MTFR1: variants seen among roughly 807,000 people sequenced by gnomAD.
The protein encoded by MTFR1 is chondrocyte protein with a poly-proline region.
Under a neutral mutation model 38.8 loss-of-function variants are expected in MTFR1, and 28 were observed. The ratio of observed to expected loss-of-function variants is 0.72; its 90% CI spans 0.53 to 0.99. MTFR1 has a LOEUF of 0.99. MTFR1 is among the 50% of genes least tolerant of loss of function. The probability of loss-of-function intolerance (pLI) is 0.00; values close to 1 mark genes in which losing one functional copy is unlikely to be tolerated. For missense variants in MTFR1, 358 were observed against 395.5 expected (o/e 0.91, Z 0.81); for synonymous variants, 145 against 137.0 (o/e 1.06, Z -0.41).
At chr8:65,691,000 G>A (rs1259163442) in intron 3 of MTFR1, among the ~76,000 whole-genome samples, 1 of 152,018 alleles carries the variant, frequency 6.6e-6, no homozygotes, top group African/African-American at 2.4e-5. Flanking sequence ...AACATTACCT[G>A]ATTTCTCAAC....
intron 3 of MTFR1, chr8:65,721,796 CA>C (rs1352687511): frequency 4.4e-4 from 65 of 146,512 alleles, no homozygotes; most frequent in African/African-American, 1.5e-3. Flanking sequence ...CTCTTTTGTC[CA>C]TTTTTTTTTT....
At position 65,708,002 on chromosome 8, in the gene MTFR1, G is replaced by A. The variant is rs150478914; in HGVS notation, c.924G>A (p.Glu308=). 1 of 1,612,052 alleles carries A rather than the reference G, an allele frequency of 6.2e-7. No homozygotes were observed. The highest frequency in any genetic ancestry group is 1.3e-5 in the African/African-American group (1 of 74,908). ...AGTCTGAATCAGAGGCCACCTCAGA[G>A]AGAGTGTTGGTGAGTTATTTGCCCA... ...IPKSESEATS[E]RVLFGPHMLK... is the part of the protein sequence containing the mutation. The change falls in exon 7 of 8, where the codon GAG becomes GAA. Residue 308 remains glutamate (E), a synonymous_variant. Transcript: ENST00000262146.
chr8:65,682,943 AG>A, intron 3 of MTFR1: 1 of 984,702 alleles, frequency 1.0e-6, no homozygotes. Context: ...CAAGACAAAA[AG>A]GTAATTGTGG....
At chr8:65,727,523 G>A in intron 3 of MTFR1, 1 of 465,174 alleles carries the variant, frequency 2.1e-6, no homozygotes, top group Non-Finnish European at 3.7e-6. Context: ...CCCTGCCCAT[G>A]TGGAGTTTAC....
At chr8:65,748,044 T>C (rs548242894) in intron 3 of MTFR1, among the ~76,000 whole-genome samples, 51 of 152,216 alleles carry the variant, frequency 3.4e-4, no homozygotes, top group African/African-American at 1.2e-3. Context: ...ATGGCCAATT[T>C]TGACAGCATT....
chr8:65,708,390 T>C (rs1402170649), intron 7 of MTFR1: 1 of 323,132 alleles, frequency 3.1e-6, no homozygotes, highest in Non-Finnish European at 5.9e-6. Flanking sequence ...ATAGTAACAA[T>C]GTATATTTTG....
At chr8:65,676,520 C>T (rs571555495) in intron 2 of MTFR1, among the ~76,000 whole-genome samples, 226 of 152,146 alleles carry the variant, frequency 1.5e-3, no homozygotes, top group African/African-American at 4.6e-3. Flanking sequence ...CCCGCCATCA[C>T]CCCTGGCTAA....
At chr8:65,655,839 C>A (rs1250274053) in intron 1 of MTFR1, among the ~76,000 whole-genome samples, 2 of 150,232 alleles carry the variant, frequency 1.3e-5, no homozygotes, top group East Asian at 1.9e-4. Flanking sequence ...ATCCTGGCTA[C>A]TTGGGAAGCT....
intron 3 of MTFR1, chr8:65,719,854 G>T: frequency 3.8e-6 from 1 of 262,946 alleles, no homozygotes; most frequent in Non-Finnish European, 7.5e-6. Context: ...CAGAGTTGCA[G>T]TGCAACAACT....
At chr8:65,743,625 G>A (rs564717986) in intron 3 of MTFR1, among the ~76,000 whole-genome samples, 2 of 152,274 alleles carry the variant, frequency 1.3e-5, no homozygotes, top group Admixed American at 1.3e-4. Flanking sequence ...ATAATGGAGT[G>A]ATACTAAAAG....
At chr8:65,680,322 C>G (rs1018587708) in intron 2 of MTFR1, among the ~76,000 whole-genome samples, 2 of 152,072 alleles carry the variant, frequency 1.3e-5, no homozygotes, top group Non-Finnish European at 2.9e-5. Context: ...ATCACCACCC[C>G]TGGCTAAGTT....
At chr8:65,743,531 T>C (rs1426951468) in intron 3 of MTFR1, among the ~76,000 whole-genome samples, 1 of 152,216 alleles carries the variant, frequency 6.6e-6, no homozygotes, top group Non-Finnish European at 1.5e-5. Flanking sequence ...TCAGTCCAGT[T>C]TATTTTCTGT....
chr8:65,673,522 T>C (rs1246177298), intron 2 of MTFR1, among the ~76,000 whole-genome samples: 1 of 151,306 alleles, frequency 6.6e-6, no homozygotes, highest in Non-Finnish European at 1.5e-5. Flanking sequence ...GGTTGATGGG[T>C]GCAGCAAACC....
At chr8:65,733,855 T>C (rs909030843) in intron 3 of MTFR1, among the ~76,000 whole-genome samples, 1 of 152,160 alleles carries the variant, frequency 6.6e-6, no homozygotes, top group Non-Finnish European at 1.5e-5. Flanking sequence ...AGTTTGGTCA[T>C]CCTGTTTCCC....
chr8:65,672,761 T>C (rs1804598804), intron 2 of MTFR1, among the ~76,000 whole-genome samples: 1 of 152,194 alleles, frequency 6.6e-6, no homozygotes, highest in Non-Finnish European at 1.5e-5. Flanking sequence ...GTTATAGAGA[T>C]GGCTTTTTTC....
intron 1 of MTFR1, among the ~76,000 whole-genome samples, chr8:65,668,344 ATTT>A (rs34636319): frequency 3.0e-5 from 4 of 134,148 alleles, no homozygotes; most frequent in Admixed American, 7.6e-5. Context: ...CACCCAGCTA[ATTT>A]TTTTTTTTTT....
At position 65,644,761 on chromosome 8, in the gene MTFR1, G is replaced by T. The variant is rs915373606; in HGVS notation, c.-104G>T. ...GCTAGAAGCCTGAGGAGCCGGAGAGGGTGCTGGCTGCCGCGCGGCCGAGGT... is the reference window on the plus strand; with the variant it reads ...GCTAGAAGCCTGAGGAGCCGGAGAGTGTGCTGGCTGCCGCGCGGCCGAGGT... On this transcript the variant is annotated 5_prime_UTR_variant, in exon 1 of 8. Transcript: ENST00000262146. The T allele has an allele frequency of 1.3e-5, 2 of 152,562 alleles. No homozygotes were observed. Among genetic ancestry groups the T allele is most frequent in the Non-Finnish European group, 2.9e-5 (2 of 68,322 alleles). The allele number at this position is 152,562 out of a possible 1,614,324, so 9.5% of individuals were successfully genotyped here. A position where few individuals can be genotyped will look rare whatever the true frequency, so the allele number is the denominator to read the frequency against.
chr8:65,752,944 T>C (rs1232351217), intron 3 of MTFR1, among the ~76,000 whole-genome samples: 2 of 152,230 alleles, frequency 1.3e-5, no homozygotes, highest in Non-Finnish European at 2.9e-5. Flanking sequence ...ATGATATATT[T>C]AAATTTTACT....
rs1220182219 is a variant in MTFR1, at chr8:65,682,380, T to G, written c.94T>G (p.Ser32Ala). The G allele has an allele frequency of 6.4e-7, 1 of 1,571,514 alleles. No homozygotes were observed. Among genetic ancestry groups the G allele is most frequent in the East Asian group, 2.4e-5 (1 of 42,344 alleles). ...ACTTTGGTCTAGGAAGCCATATGGT[T>G]CGTCTCGAAGTATCGTAAGGAAAAT... Reference protein sequence around the residue: ...SVLWSRKPYGSSRSIVRKIGT... With the variant: ...SVLWSRKPYGASRSIVRKIGT... The change falls in exon 3 of 8, where the codon TCG becomes GCG. Residue 32 changes from serine (S) to alanine (A), a missense_variant. Coordinates refer to ENST00000262146, the MANE Select transcript of MTFR1 (RefSeq NM_014637.4).
Sources: gnomAD v4.1 joint callset for allele counts (sites outside exome capture counted in the v4.1 genomes callset) on GRCh38, gnomAD v4.1.1 for gene constraint, MANE v1.5 for transcripts, NCBI Gene and HGNC (gene_info 2026-07-23, HGNC 2026-07-21) for gene names.